GDF7: variants seen among roughly 807,000 people sequenced by gnomAD.
The protein encoded by GDF7 is growth/differentiation factor 7.
A neutral mutation model predicts 13.4 loss-of-function variants in GDF7; 12 were observed. That is an observed-to-expected ratio of 0.90 (90% confidence interval 0.57 to 1.45). The LOEUF (loss-of-function observed/expected upper bound fraction) is 1.45, where lower values mean the gene tolerates loss of function less well. Among genes scored for constraint, GDF7 ranks in the 40% most tolerant of loss-of-function variants. The pLI, the probability that GDF7 is intolerant of heterozygous loss-of-function variation, is 0.00. For missense variants in GDF7, 651 were observed against 652.4 expected, an observed-to-expected ratio of 1.00 and a Z score of 0.02; for synonymous variants, 330 against 306.4, an observed-to-expected ratio of 1.08 and a Z score of -0.80.
chr2:20,671,140 G>C lies in GDF7; in HGVS notation c.1068G>C (p.Val356=), dbSNP rs779193439. The C allele has an allele frequency of 6.8e-5, 110 of 1,612,782 alleles. No individual in the cohort carries two copies. Among genetic ancestry groups the C allele is most frequent in the Non-Finnish European group, 9.2e-5 (109 of 1,179,688 alleles). ...GCTGCAGCCGCAAGCCGTTGCACGTGGACTTCAAGGAGCTCGGCTGGGACG... is the reference window on the plus strand; with the variant it reads ...GCTGCAGCCGCAAGCCGTTGCACGTCGACTTCAAGGAGCTCGGCTGGGACG... The part of the protein sequence containing the change: ...RSRCSRKPLH[V]DFKELGWDDW... Residue 356 remains valine (V), a synonymous_variant, in exon 2 of 2, where the codon GTG becomes GTC. Coordinates refer to ENST00000272224, the MANE Select transcript of GDF7 (RefSeq NM_182828.4).
chr2:20,671,584 G>T lies in GDF7; in HGVS notation c.*159G>T, dbSNP rs1662128984. The T allele has an allele frequency of 2.9e-6, 2 of 698,444 alleles. No homozygotes were observed. Among genetic ancestry groups the T allele is most frequent in the African/African-American group, 3.6e-5 (2 of 55,684 alleles). The allele number at this position is 698,444 out of a possible 1,614,324, so 43.3% of individuals were successfully genotyped here. The stretch of plus-strand genomic sequence containing the variant: ...GTTCACACTCACACACACTCGTGCA[G>T]TCACGCACACATTTACCGGGGACAG... On this transcript the variant is annotated 3_prime_UTR_variant, in exon 2 of 2. Coordinates refer to ENST00000272224, the MANE Select transcript of GDF7 (RefSeq NM_182828.4).
Position 20,671,131 on chromosome 2 carries a change from G to C in GDF7, c.1059G>C (p.Pro353=). 1 of 1,611,286 alleles carries C rather than the reference G, an allele frequency of 6.2e-7. No individual in the cohort carries two copies. The highest frequency in any genetic ancestry group is 8.5e-7 in the Non-Finnish European group (1 of 1,179,120). Reference sequence around the variant, plus strand: ...GCCGGAGCCGCTGCAGCCGCAAGCCGTTGCACGTGGACTTCAAGGAGCTCG... The same window carrying C: ...GCCGGAGCCGCTGCAGCCGCAAGCCCTTGCACGTGGACTTCAAGGAGCTCG... The part of the protein sequence containing the change: ...RRGRSRCSRK[P]LHVDFKELGW... Residue 353 remains proline (P), a synonymous_variant, in exon 2 of 2, where the codon CCG becomes CCC. Transcript: ENST00000272224.
chr2:20,670,394 C>A, intron 1 of GDF7, 70 bp from the exon 2 acceptor site: 1 of 1,419,248 alleles, frequency 7.0e-7, no homozygotes, highest in Non-Finnish European at 9.2e-7. Flanking sequence ...GTTAGGAGGC[C>A]CCGCGCTGAC....
intron 1 of GDF7, among the ~76,000 whole-genome samples, chr2:20,669,529 C>T (rs1388392854): frequency 2.0e-5 from 3 of 152,218 alleles, no homozygotes; most frequent in Non-Finnish European, 4.4e-5. Context: ...AGAATGAGCC[C>T]GCGAAGGGAC....
rs1394060530 is a variant in GDF7 at position 20,672,710 on chromosome 2, C to T, written c.*1285C>T. On this transcript the variant is annotated 3_prime_UTR_variant, in exon 2 of 2. Transcript: ENST00000272224. ...CCCCTTCCCCTCATCGGCTCCCTGGCTTGGCTGCTGTGCCCTTGGAAGGGC... is the reference window on the plus strand; with the variant it reads ...CCCCTTCCCCTCATCGGCTCCCTGGTTTGGCTGCTGTGCCCTTGGAAGGGC... The T allele has an allele frequency of 6.6e-6, 1 of 152,262 alleles. No individual in the cohort carries two copies. Among genetic ancestry groups the T allele is most frequent in the African/African-American group, 2.4e-5 (1 of 41,458 alleles). 9.4% of individuals were successfully genotyped at this position (152,262 alleles called of 1,614,324 possible).
In GDF7 at chr2:20,671,548, G is replaced by A; in HGVS notation, c.*123G>A. ...GTGACCCAGCACCCTCTCAGAGGAG[G>A]GAGAGCACACGTTCACACTCACACA... On this transcript the variant is annotated 3_prime_UTR_variant, in exon 2 of 2. Coordinates refer to ENST00000272224, the MANE Select transcript of GDF7 (RefSeq NM_182828.4). 1.1e-6 allele frequency: 1 copy of A among 949,194 alleles called. No individual in the cohort carries two copies. Among genetic ancestry groups the A allele is most frequent in the Non-Finnish European group, 1.6e-6 (1 of 637,120 alleles). The allele number at this position is 949,194 out of a possible 1,614,324, so 58.8% of individuals were successfully genotyped here. A position where few individuals can be genotyped will look rare whatever the true frequency, so the allele number is the denominator to read the frequency against.
At position 20,674,348 on chromosome 2, in the gene GDF7, A is replaced by G. The variant is rs1402358646; in HGVS notation, c.*2923A>G. 6.6e-6 allele frequency: 1 copy of G among 152,214 alleles called. No homozygotes were observed. The highest frequency in any genetic ancestry group is 1.5e-5 in the Non-Finnish European group (1 of 68,030). 9.4% of individuals were successfully genotyped at this position (152,214 alleles called of 1,614,324 possible). A position where few individuals can be genotyped will look rare whatever the true frequency, so the allele number is the denominator to read the frequency against. Reference sequence around the variant, plus strand: ...CCTCCTAAAGTAAACAGAATTTTCCATTTTGTAGGGAGAATTGTGCACTAC... The same window carrying G: ...CCTCCTAAAGTAAACAGAATTTTCCGTTTTGTAGGGAGAATTGTGCACTAC... On this transcript the variant is annotated 3_prime_UTR_variant, in exon 2 of 2. Transcript: ENST00000272224.
Position 20,671,721 on chromosome 2 carries a change from TG to T in GDF7, c.*297del. On this transcript the variant is annotated 3_prime_UTR_variant, in exon 2 of 2. Coordinates refer to ENST00000272224, the MANE Select transcript of GDF7 (RefSeq NM_182828.4). Reference sequence around the variant, plus strand: ...CTGCCCCCATTTAGGGAGAGGAAGGTGTTTGTGCTGATGTTGCAGTTAGAGG... The same window carrying T: ...CTGCCCCCATTTAGGGAGAGGAAGGTTTTGTGCTGATGTTGCAGTTAGAGG... The T allele has an allele frequency of 2.6e-6, 1 of 379,280 alleles. No homozygotes were observed. 23.5% of individuals were successfully genotyped at this position (379,280 alleles called of 1,614,324 possible). A position where few individuals can be genotyped will look rare whatever the true frequency, so the allele number is the denominator to read the frequency against.
chr2:20,676,893 CA>C lies in GDF7; in HGVS notation c.*5469del, dbSNP rs921595314. The C allele has an allele frequency of 6.6e-6, 1 of 152,210 alleles. No individual in the cohort carries two copies. The highest frequency in any genetic ancestry group is 6.5e-5 in the Admixed American group (1 of 15,288). The allele number at this position is 152,210 out of a possible 1,614,324, so 9.4% of individuals were successfully genotyped here. On this transcript the variant is annotated 3_prime_UTR_variant, in exon 2 of 2. Coordinates refer to ENST00000272224, the MANE Select transcript of GDF7 (RefSeq NM_182828.4). ...AAAAAGCAAAAATATGCCCTTAGAG[CA>C]GCAGAGCAGCGTGCGATGGTCCACT...
chr2:20,672,126 CCTTT>C lies in GDF7; in HGVS notation c.*702_*705del, dbSNP rs2149311703. 2.4e-5 allele frequency: 1 copy of C among 42,204 alleles called. No homozygotes were observed. Among genetic ancestry groups the C allele is most frequent in the Non-Finnish European group, 4.6e-5 (1 of 21,914 alleles). 2.6% of individuals were successfully genotyped at this position (42,204 alleles called of 1,614,324 possible). A position where few individuals can be genotyped will look rare whatever the true frequency, so the allele number is the denominator to read the frequency against. On this transcript the variant is annotated 3_prime_UTR_variant, in exon 2 of 2. Coordinates refer to ENST00000272224, the MANE Select transcript of GDF7 (RefSeq NM_182828.4). The stretch of plus-strand genomic sequence containing the variant: ...ACCGCCACCCCCCCCCCCCCCCCCG[CCTTT>C]TTTTTTTTTTTTTTTAATCAATTCC...
rs1014498641 is a variant in GDF7, at chr2:20,674,291, C to T, written c.*2866C>T. Reference sequence around the variant, plus strand: ...TCAAGACTGTGAGGAAAGGCTGTCCCCTCAACCCCAACCTGAGGTCACCAA... The same window carrying T: ...TCAAGACTGTGAGGAAAGGCTGTCCTCTCAACCCCAACCTGAGGTCACCAA... On this transcript the variant is annotated 3_prime_UTR_variant, in exon 2 of 2. Coordinates refer to ENST00000272224, the MANE Select transcript of GDF7 (RefSeq NM_182828.4). 1.3e-5 allele frequency: 2 copies of T among 152,218 alleles called. No homozygotes were observed. Among genetic ancestry groups the T allele is most frequent in the African/African-American group, 2.4e-5 (1 of 41,454 alleles). The allele number at this position is 152,218 out of a possible 1,614,324, so 9.4% of individuals were successfully genotyped here.
chr2:20,667,590 C>T lies in GDF7; in HGVS notation c.351C>T (p.Arg117=), dbSNP rs1244384626. 1.3e-6 allele frequency: 2 copies of T among 1,512,916 alleles called. No individual in the cohort carries two copies. The highest frequency in any genetic ancestry group is 1.8e-6 in the Non-Finnish European group (2 of 1,137,562). The allele number at this position is 1,512,916 out of a possible 1,614,324, so 93.7% of individuals were successfully genotyped here. A position where few individuals can be genotyped will look rare whatever the true frequency, so the allele number is the denominator to read the frequency against. Reference sequence around the variant, plus strand: ...CTGTCTCCGCCTCGGGCCATGGTCGCGCGGACACGATCACCGGCTTCACAG... The same window carrying T: ...CTGTCTCCGCCTCGGGCCATGGTCGTGCGGACACGATCACCGGCTTCACAG... ...AAAVSASGHG[R]ADTITGFTDQ... is the part of the protein sequence containing the mutation. Residue 117 remains arginine, a synonymous_variant, in exon 1 of 2, where the codon CGC becomes CGT. Coordinates refer to ENST00000272224, the MANE Select transcript of GDF7 (RefSeq NM_182828.4). This position sits in a 1 kb window ranked among gnomAD's most constrained non-coding sequence, Gnocchi z 6.4.
chr2:20,672,566 C>G lies in GDF7; in HGVS notation c.*1141C>G, dbSNP rs35678480. 0.24 allele frequency: 36,638 copies of G among 152,232 alleles called. 4,800 individuals carry two copies. The highest frequency in any genetic ancestry group is 0.3 in the Non-Finnish European group (20,729 of 68,004). The allele number at this position is 152,232 out of a possible 1,614,324, so 9.4% of individuals were successfully genotyped here. A position where few individuals can be genotyped will look rare whatever the true frequency, so the allele number is the denominator to read the frequency against. ...TCGGCCTCCGCTTTTTACCTGCTTT[C>G]GCTGTGTTGTTGCTGTAGTTGTTGG... is the stretch of plus-strand genomic sequence containing the variant. On this transcript the variant is annotated 3_prime_UTR_variant, in exon 2 of 2. Transcript: ENST00000272224.
rs1662222093 is a variant in GDF7, at chr2:20,676,400, C to T, written c.*4975C>T. ...AACCTCCTGACCATGTAGGCTGCAG[C>T]ACAGCTGTCTTCCTCCCTCTGTGCT... is the stretch of plus-strand genomic sequence containing the variant. On this transcript the variant is annotated 3_prime_UTR_variant, in exon 2 of 2. Transcript: ENST00000272224. 1 of 152,292 alleles carries T rather than the reference C, an allele frequency of 6.6e-6. No homozygotes were observed. The highest frequency in any genetic ancestry group is 1.5e-5 in the Non-Finnish European group (1 of 68,068). 9.4% of individuals were successfully genotyped at this position (152,292 alleles called of 1,614,324 possible). A position where few individuals can be genotyped will look rare whatever the true frequency, so the allele number is the denominator to read the frequency against.
Position 20,671,058 on chromosome 2 carries a change from C to A in GDF7, c.986C>A (p.Thr329Lys). The change falls in exon 2 of 2, where the codon ACA becomes AAA. Residue 329 changes from threonine (T) to lysine (K), a missense_variant. Around this residue, in one of 4 missense-constraint regions of GDF7, gnomAD observed 487 missense variants for 445.9 expected, o/e 1.09. Coordinates refer to ENST00000272224, the MANE Select transcript of GDF7 (RefSeq NM_182828.4). ...RRRTALAGTR[T>K]AQGSGGGAGR... ...AGGACGGCGTTGGCCGGGACGCGGA[C>A]AGCGCAGGGCAGCGGCGGGGGCGCG... The A allele has an allele frequency of 6.8e-7, 1 of 1,462,558 alleles. No homozygotes were observed. The highest frequency in any genetic ancestry group is 9.0e-7 in the Non-Finnish European group (1 of 1,112,888). The allele number at this position is 1,462,558 out of a possible 1,614,324, so 90.6% of individuals were successfully genotyped here.
In GDF7 at chr2:20,671,646, C is replaced by G; in HGVS notation, c.*221C>G. The G allele has an allele frequency of 1.8e-6, 1 of 570,328 alleles. No homozygotes were observed. Among genetic ancestry groups the G allele is most frequent in the South Asian group, 2.1e-5 (1 of 48,428 alleles). The allele number at this position is 570,328 out of a possible 1,614,324, so 35.3% of individuals were successfully genotyped here. A position where few individuals can be genotyped will look rare whatever the true frequency, so the allele number is the denominator to read the frequency against. ...CTTGGGAAGAGATGACCTGCCGGTA[C>G]CGAATGTCAAAGCCCTGTGTATTTT... On this transcript the variant is annotated 3_prime_UTR_variant, in exon 2 of 2. Transcript: ENST00000272224.
chr2:20,677,094 T>G lies in GDF7; in HGVS notation c.*5669T>G, dbSNP rs542631837. The G allele has an allele frequency of 6.6e-6, 1 of 152,152 alleles. No individual in the cohort carries two copies. The highest frequency in any genetic ancestry group is 2.4e-5 in the African/African-American group (1 of 41,436). The allele number at this position is 152,152 out of a possible 1,614,324, so 9.4% of individuals were successfully genotyped here. A position where few individuals can be genotyped will look rare whatever the true frequency, so the allele number is the denominator to read the frequency against. The stretch of plus-strand genomic sequence containing the variant: ...GGTGTTTCTGTGCAGTCAGGTGAAT[T>G]TGTTGGCAGGACAGCTTGGTGTGAT... On this transcript the variant is annotated 3_prime_UTR_variant, in exon 2 of 2. Coordinates refer to ENST00000272224, the MANE Select transcript of GDF7 (RefSeq NM_182828.4).
chr2:20,667,174 A>G lies in GDF7; in HGVS notation c.-66A>G. The G allele has an allele frequency of 9.3e-7, 1 of 1,070,434 alleles. No homozygotes were observed. Among genetic ancestry groups the G allele is most frequent in the Non-Finnish European group, 1.1e-6 (1 of 884,456 alleles). 66.3% of individuals were successfully genotyped at this position (1,070,434 alleles called of 1,614,324 possible). ...CCCCATTATTAAACACTATGTTCAA[A>G]AGGCGCCGGGGGACTTCCCGGAGCC... On this transcript the variant is annotated 5_prime_UTR_variant, in exon 1 of 2. Transcript: ENST00000272224. This position sits in a 1 kb window ranked among gnomAD's most constrained non-coding sequence, Gnocchi z 6.4.
rs1662099791 is a variant in GDF7 at position 20,670,610 on chromosome 2, C to G, written c.538C>G (p.Leu180Val). Reference protein sequence around the residue: ...GPGSWTSPPLLLLSTCPGAAR... With the variant: ...GPGSWTSPPLVLLSTCPGAAR... ...AGGCAGCTGGACTTCTCCGCCGTTG[C>G]TGCTGCTGTCCACGTGCCCGGGCGC... The change falls in exon 2 of 2, where the codon CTG becomes GTG. Residue 180 changes from leucine (L) to valine (V), a missense_variant. Physicochemically the swap from Leu to Val is conservative, Grantham distance 32 (BLOSUM62 1). Coordinates refer to ENST00000272224, the MANE Select transcript of GDF7 (RefSeq NM_182828.4). 6.3e-7 allele frequency: 1 copy of G among 1,588,710 alleles called. No individual in the cohort carries two copies. The highest frequency in any genetic ancestry group is 8.5e-7 in the Non-Finnish European group (1 of 1,169,980).
Sources: gnomAD v4.1 joint callset for allele counts (sites outside exome capture counted in the v4.1 genomes callset) on GRCh38, gnomAD v4.1.1 for gene constraint, gnomAD v4.1.1 regional missense constraint, Gnocchi (gnomAD v3.1) non-coding constraint, MANE v1.5 for transcripts, NCBI Gene and HGNC (gene_info 2026-07-23, HGNC 2026-07-21) for gene names.